ADAMTSL1: variants seen among roughly 807,000 people sequenced by gnomAD.
The protein encoded by ADAMTSL1 is ADAMTS like 1.
ADAMTSL1 carries 126 observed loss-of-function variants against 201.8 expected under a neutral mutation model. The ratio of observed to expected loss-of-function variants is 0.62; its 90% CI spans 0.54 to 0.72. The LOEUF (loss-of-function observed/expected upper bound fraction) is 0.72, where lower values mean the gene tolerates loss of function less well. Ranked by LOEUF, ADAMTSL1 falls within the 30% of genes least tolerant of loss-of-function variation. The pLI is 0.00. For missense variants in ADAMTSL1, 2,679 were observed against 2,277.8 expected, an observed-to-expected ratio of 1.18 and a Z score of -3.59; for synonymous variants, 1,121 against 903.4, an observed-to-expected ratio of 1.24 and a Z score of -4.32.
At chr9:18,334,862 T>A (rs1265445276) in intron 2 of ADAMTSL1, among the ~76,000 whole-genome samples, 2 of 152,170 alleles carry the variant, frequency 1.3e-5, no homozygotes, top group Non-Finnish European at 2.9e-5. Flanking sequence ...AGTATCCAAG[T>A]CAGGGGCTAA....
intron 7 of ADAMTSL1, among the ~76,000 whole-genome samples, chr9:18,642,407 A>G (rs1011088327): frequency 1.3e-5 from 2 of 152,078 alleles, no homozygotes; most frequent in African/African-American, 4.8e-5. Flanking sequence ...CATATGTGTT[A>G]CTTCACATAT....
chr9:18,428,446 A>AAG (rs1554677404), intron 2 of ADAMTSL1, among the ~76,000 whole-genome samples: 1 of 150,822 alleles, frequency 6.6e-6, no homozygotes, highest in Admixed American at 6.6e-5. Flanking sequence ...AAAAAAAAAA[A>AAG]AAAAGAAAAG....
intron 1 of ADAMTSL1, among the ~76,000 whole-genome samples, chr9:17,969,815 G>T (rs374258580): frequency 6.6e-6 from 1 of 151,906 alleles, no homozygotes; most frequent in South Asian, 2.1e-4. Context: ...GTAAAAAAGC[G>T]GAAAATAATT....
At chr9:17,990,720 T>C (rs916387983) in intron 1 of ADAMTSL1, among the ~76,000 whole-genome samples, 63 of 152,200 alleles carry the variant, frequency 4.1e-4, no homozygotes, top group African/African-American at 1.5e-3. Flanking sequence ...TCATAACCAT[T>C]GCTTTTTTTC....
At chr9:18,186,216 G>T (rs1271885400) in intron 2 of ADAMTSL1, among the ~76,000 whole-genome samples, 1 of 152,154 alleles carries the variant, frequency 6.6e-6, no homozygotes, top group African/African-American at 2.4e-5. Context: ...TCCTTAGATT[G>T]TAAGGTATGA....
intron 2 of ADAMTSL1, among the ~76,000 whole-genome samples, chr9:18,322,113 A>C (rs1834646190): frequency 6.6e-6 from 1 of 152,222 alleles, no homozygotes; most frequent in Non-Finnish European, 1.5e-5. Context: ...GAAATGGTGG[A>C]ATGCAGCCAA....
At chr9:18,865,851 C>T (rs1827497745) in intron 23 of ADAMTSL1, among the ~76,000 whole-genome samples, 1 of 152,110 alleles carries the variant, frequency 6.6e-6, no homozygotes, top group Admixed American at 6.5e-5. Context: ...ATAGCTGAGG[C>T]CTGGAGAGGA....
At chr9:18,174,747 G>A (rs1427597821) in intron 2 of ADAMTSL1, among the ~76,000 whole-genome samples, 1 of 152,086 alleles carries the variant, frequency 6.6e-6, no homozygotes, top group East Asian at 1.9e-4. Flanking sequence ...ATTATTAAGT[G>A]ATGCAATTTC....
At chr9:18,117,885 C>T (rs1308702383) in intron 1 of ADAMTSL1, among the ~76,000 whole-genome samples, 4 of 152,166 alleles carry the variant, frequency 2.6e-5, no homozygotes, top group Non-Finnish European at 4.4e-5. Flanking sequence ...TCACTCTTGG[C>T]TAGCCACATG....
At chr9:18,503,626 A>G (rs1822963277) in intron 1 of ADAMTSL1, among the ~76,000 whole-genome samples, 2 of 152,048 alleles carry the variant, frequency 1.3e-5, no homozygotes, top group Non-Finnish European at 2.9e-5. Flanking sequence ...TAGGTGCCCA[A>G]GTTTATAGAG....
At chr9:18,811,262 G>T (rs1403127005) in intron 20 of ADAMTSL1, among the ~76,000 whole-genome samples, 1 of 152,180 alleles carries the variant, frequency 6.6e-6, no homozygotes, top group African/African-American at 2.4e-5. Context: ...GAGTATCAGA[G>T]ATTTTCAGTC....
chr9:18,493,457 A>T (rs1227731169), intron 1 of ADAMTSL1, among the ~76,000 whole-genome samples: 1 of 152,054 alleles, frequency 6.6e-6, no homozygotes, highest in Non-Finnish European at 1.5e-5. Flanking sequence ...ATCCCAGCAC[A>T]CTCATCTTCA....
intron 13 of ADAMTSL1, chr9:18,706,500 G>C (rs1832240642): frequency 4.4e-6 from 2 of 451,070 alleles, no homozygotes; most frequent in Non-Finnish European, 7.9e-6. Flanking sequence ...GGAGCAAGCA[G>C]GTGGTCTCTG....
chr9:18,378,725 C>T (rs1294642172), intron 2 of ADAMTSL1, among the ~76,000 whole-genome samples: 2 of 152,166 alleles, frequency 1.3e-5, no homozygotes, highest in African/African-American at 2.4e-5. Flanking sequence ...ACATTAAGTT[C>T]ATCTCTTTTT....
intron 2 of ADAMTSL1, among the ~76,000 whole-genome samples, chr9:18,246,485 C>T (rs1278674442): frequency 6.6e-6 from 1 of 152,036 alleles, no homozygotes; most frequent in Non-Finnish European, 1.5e-5. Flanking sequence ...AAAGTGGTAT[C>T]TAAGCAAGGA....
chr9:18,908,418 C>T (rs1480536202), intron 28 of ADAMTSL1, 24 bp from the exon 29 acceptor site: 1 of 1,541,616 alleles, frequency 6.5e-7, no homozygotes. Flanking sequence ...TGTCTCCTCT[C>T]CCGACCCCGT....
intron 1 of ADAMTSL1, among the ~76,000 whole-genome samples, chr9:17,938,166 C>G (rs894386857): frequency 6.6e-6 from 1 of 152,052 alleles, no homozygotes; most frequent in African/African-American, 2.4e-5. Flanking sequence ...TGTGTGCACT[C>G]GTCTCTAATT....
intron 1 of ADAMTSL1, among the ~76,000 whole-genome samples, chr9:17,930,657 C>G (rs918310971): frequency 1.3e-5 from 2 of 152,092 alleles, no homozygotes; most frequent in Non-Finnish European, 2.9e-5. Context: ...CTAAAGAATT[C>G]CAAGACCCAG....
In ADAMTSL1 at chr9:18,559,528, T is replaced by A. The variant is rs147246568; in HGVS notation, c.238-14502T>A. 1.9e-3 allele frequency among the ~76,000 whole-genome samples: 288 copies of A among 152,348 alleles called. 8 individuals carry two copies. The East Asian group carries it at 0.051, about 27-fold the overall frequency. On this transcript the variant is annotated intron_variant, in intron 3 of 28. Coordinates refer to ENST00000380548, the MANE Select transcript of ADAMTSL1 (RefSeq NM_001040272.6). ...TCCATATGAAATTTGAAGTAGTTTT[T>A]TTCTAATTCTGTGAAGAAAGTCAAT...
Sources: allele counts gnomAD v4.1 joint callset (sites outside exome capture counted in the v4.1 genomes callset), GRCh38; gene constraint gnomAD v4.1.1; transcripts MANE v1.5; gene names NCBI Gene and HGNC (gene_info 2026-07-23, HGNC 2026-07-21).